Variants in BACH2 observed in about 807,000 individuals in gnomAD.
BACH2 encodes the protein transcription regulator protein BACH2.
In BACH2, 5 loss-of-function variants were observed where a neutral mutation model predicts 61.8. That is an observed-to-expected ratio of 0.08 (90% CI 0.04 to 0.17). The LOEUF (loss-of-function observed/expected upper bound fraction) is 0.17, where lower values mean the gene tolerates loss of function less well. Among genes scored for constraint, BACH2 ranks in the 10% least tolerant of loss-of-function variants. The pLI, the probability that BACH2 is intolerant of heterozygous loss-of-function variation, is 1.00. For synonymous variants in BACH2, 446 were observed against 440.1 expected, an observed-to-expected ratio of 1.01 and a Z score of -0.17; for missense variants, 824 against 1,091.1, an observed-to-expected ratio of 0.76 and a Z score of 3.45.
intron 4 of BACH2, among the ~76,000 whole-genome samples, chr6:90,184,425 C>T (rs1374322773): frequency 6.6e-6 from 1 of 152,150 alleles, no homozygotes; most frequent in African/African-American, 2.4e-5. Flanking sequence ...GATTCTGAAC[C>T]TCATCAACAG....
At position 90,041,104 on chromosome 6, in the gene BACH2, T is replaced by C. The variant is rs913747259; in HGVS notation, c.-12-32248A>G. Among the ~76,000 whole-genome samples, 4 of 152,176 alleles carry C rather than the reference T, an allele frequency of 2.6e-5. No homozygotes were observed. In the East Asian group the frequency reaches 5.8e-4, roughly 22 times the overall value. On this transcript the variant is annotated intron_variant, in intron 5 of 8. Coordinates refer to ENST00000257749, the MANE Select transcript of BACH2 (RefSeq NM_021813.4). ...CACAGGCTAAGTACGTTCAGAACAATGTTAAAGAAATAACAATGGGCGCCC... is the reference window on the plus strand; with the variant it reads ...CACAGGCTAAGTACGTTCAGAACAACGTTAAAGAAATAACAATGGGCGCCC...
At chr6:89,983,943 T>C (rs1040754854) in intron 6 of BACH2, among the ~76,000 whole-genome samples, 3 of 152,246 alleles carry the variant, frequency 2.0e-5, no homozygotes, top group Non-Finnish European at 4.4e-5. Context: ...GCTTAGTCCG[T>C]TGCAACAACC....
chr6:90,059,715 G>A (rs547937168), intron 5 of BACH2, among the ~76,000 whole-genome samples: 1 of 151,998 alleles, frequency 6.6e-6, no homozygotes, highest in South Asian at 2.1e-4. Flanking sequence ...GCAAAGACTT[G>A]GTACCAACCC....
chr6:90,094,695 A>G (rs1782310154), intron 4 of BACH2, among the ~76,000 whole-genome samples: 1 of 152,234 alleles, frequency 6.6e-6, no homozygotes, highest in Non-Finnish European at 1.5e-5. Flanking sequence ...TTTACCAAAT[A>G]AAACAATCTG....
intron 5 of BACH2, among the ~76,000 whole-genome samples, chr6:90,027,361 A>G (rs1160413285): frequency 6.6e-6 from 1 of 152,194 alleles, no homozygotes; most frequent in Non-Finnish European, 1.5e-5. Flanking sequence ...GCTACATGAC[A>G]CTTAGTATAC....
chr6:90,123,687 G>A (rs1459365711), intron 4 of BACH2, among the ~76,000 whole-genome samples: 10 of 144,856 alleles, frequency 6.9e-5, no homozygotes, highest in East Asian at 4.1e-4. Context: ...GGAGAATGGC[G>A]TGAACCCGGG....
At chr6:90,284,595 G>A (rs1251248772) in intron 1 of BACH2, among the ~76,000 whole-genome samples, 1 of 152,110 alleles carries the variant, frequency 6.6e-6, no homozygotes, top group Non-Finnish European at 1.5e-5. Context: ...GATGCTTAGC[G>A]CAGAGATTTC....
At chr6:89,938,876 A>G (rs1289212134) in intron 7 of BACH2, among the ~76,000 whole-genome samples, 1 of 152,210 alleles carries the variant, frequency 6.6e-6, no homozygotes, top group Non-Finnish European at 1.5e-5. Context: ...ACTAGCATAT[A>G]GTAGGAGTCA....
intron 4 of BACH2, among the ~76,000 whole-genome samples, chr6:90,119,233 C>T (rs1201779162): frequency 2.6e-5 from 4 of 152,146 alleles, no homozygotes; most frequent in African/African-American, 9.7e-5. Context: ...CTCTCATGCC[C>T]ATGTGGCTAC....
intron 5 of BACH2, among the ~76,000 whole-genome samples, chr6:90,017,304 C>T (rs986406828): frequency 6.6e-6 from 1 of 152,040 alleles, no homozygotes; most frequent in Non-Finnish European, 1.5e-5. Context: ...ACTGCAACCA[C>T]TGTCTCCTGG....
chr6:90,058,742 A>C (rs1385269640), intron 5 of BACH2, among the ~76,000 whole-genome samples: 2 of 152,220 alleles, frequency 1.3e-5, no homozygotes, highest in African/African-American at 4.8e-5. Flanking sequence ...GGCTACAGTA[A>C]CCAAAACAGC....
chr6:89,972,451 T>C (rs1775420956), intron 6 of BACH2, among the ~76,000 whole-genome samples: 3 of 152,188 alleles, frequency 2.0e-5, no homozygotes, highest in African/African-American at 7.2e-5. Context: ...AAAAGCATCA[T>C]GTTGCTTCTA....
At chr6:90,237,065 A>T (rs1014750185) in intron 3 of BACH2, among the ~76,000 whole-genome samples, 6 of 152,118 alleles carry the variant, frequency 3.9e-5, no homozygotes, top group Non-Finnish European at 7.3e-5. Flanking sequence ...CTGGGACTAC[A>T]GGCGCCTGCC....
chr6:90,056,880 A>G (rs912195110), intron 5 of BACH2, among the ~76,000 whole-genome samples: 1 of 152,194 alleles, frequency 6.6e-6, no homozygotes, highest in African/African-American at 2.4e-5. Flanking sequence ...CTACTGGGTA[A>G]ATAATGAAAT....
intron 6 of BACH2, among the ~76,000 whole-genome samples, chr6:89,954,646 T>C (rs1310928135): frequency 6.6e-6 from 1 of 151,616 alleles, no homozygotes; most frequent in Non-Finnish European, 1.5e-5. Context: ...GAAGCAGTAC[T>C]GGGAGTCACC....
chr6:90,091,145 C>G (rs1782142401), intron 4 of BACH2, among the ~76,000 whole-genome samples: 2 of 152,146 alleles, frequency 1.3e-5, no homozygotes, highest in Non-Finnish European at 1.5e-5. Context: ...GTATTCAAGC[C>G]TAGTGTCTCA....
rs1378315911 is a variant in BACH2, at chr6:89,929,670, A to T, written c.*2738T>A. 6.6e-6 allele frequency: 1 copy of T among 152,246 alleles called. No individual in the cohort carries two copies. The highest frequency in any genetic ancestry group is 1.9e-4 in the East Asian group (1 of 5,330). 9.4% of individuals were successfully genotyped at this position (152,246 alleles called of 1,614,324 possible). The stretch of plus-strand genomic sequence containing the variant: ...GAGGTCTGAGTTAGGGTGGAGAGAA[A>T]TAAAGAGGCCCCGCCCCTGCTAGAA... On this transcript the variant is annotated 3_prime_UTR_variant, in exon 9 of 9. Transcript: ENST00000257749.
intron 4 of BACH2, among the ~76,000 whole-genome samples, chr6:90,126,636 A>G (rs976608673): frequency 2.0e-5 from 3 of 152,226 alleles, no homozygotes; most frequent in Non-Finnish European, 4.4e-5. Context: ...TAAAATGTAA[A>G]ACACTGAGAA....
intron 2 of BACH2, among the ~76,000 whole-genome samples, chr6:90,258,253 A>G (rs563643683): frequency 1.4e-4 from 21 of 152,304 alleles, no homozygotes; most frequent in Admixed American, 7.8e-4. Context: ...GTGGTATACG[A>G]TAACAGTCCA....
Sources: gnomAD v4.1 joint callset for allele counts (sites outside exome capture counted in the v4.1 genomes callset) on GRCh38, gnomAD v4.1.1 for gene constraint, MANE v1.5 for transcripts, NCBI Gene and HGNC (gene_info 2026-07-23, HGNC 2026-07-21) for gene names.